EPC1: variants seen among roughly 807,000 people sequenced by gnomAD.
EPC1 encodes the protein enhancer of polycomb homolog 1.
EPC1 carries 12 observed loss-of-function variants against 98.4 expected under a neutral mutation model. The ratio of observed to expected loss-of-function variants is 0.12; its 90% CI spans 0.08 to 0.20. EPC1 has a LOEUF of 0.20. Among genes scored for constraint, EPC1 ranks in the 10% least tolerant of loss-of-function variants. The pLI is 1.00. For missense variants in EPC1, 729 were observed against 990.5 expected (o/e 0.74, Z 3.54); for synonymous variants, 357 against 363.9 (o/e 0.98, Z 0.21).
At chr10:32,349,985 G>C (rs1252299440), upstream of EPC1, among the ~76,000 whole-genome samples, 1 of 152,202 alleles carries the variant, frequency 6.6e-6, no homozygotes, top group Non-Finnish European at 1.5e-5. Flanking sequence ...GTTTTCCCTA[G>C]ATTCTTTTAT....
intron 2 of EPC1, among the ~76,000 whole-genome samples, chr10:32,299,977 G>A (rs964215604): frequency 4.6e-5 from 7 of 151,994 alleles, no homozygotes; most frequent in Admixed American, 3.9e-4. Context: ...GCAGTGGTGC[G>A]ATCTCAGCTC....
intron 1 of EPC1, among the ~76,000 whole-genome samples, chr10:32,342,186 A>AT (rs1402592065): frequency 1.3e-5 from 2 of 152,214 alleles, no homozygotes; most frequent in Admixed American, 1.3e-4. Context: ...TTCTACTATA[A>AT]TTGAGATTTC....
chr10:32,313,724 A>G (rs1836383748), intron 1 of EPC1, among the ~76,000 whole-genome samples: 1 of 152,078 alleles, frequency 6.6e-6, no homozygotes, highest in Non-Finnish European at 1.5e-5. Flanking sequence ...CGCCTCTACT[A>G]AAAATACAAA....
intron 2 of EPC1, among the ~76,000 whole-genome samples, chr10:32,296,775 C>T (rs1047183849): frequency 4.0e-5 from 6 of 151,876 alleles, no homozygotes; most frequent in Non-Finnish European, 8.8e-5. Context: ...GGCGTGGTGG[C>T]GGGTGCCTGT....
chr10:32,335,233 A>G (rs1460956235), intron 1 of EPC1, among the ~76,000 whole-genome samples: 1 of 152,074 alleles, frequency 6.6e-6, no homozygotes, highest in Non-Finnish European at 1.5e-5. Flanking sequence ...AACCATTATC[A>G]ACAGAGTCCA....
chr10:32,367,240 C>T (rs4511198), intron 1 of EPC1, among the ~76,000 whole-genome samples: 10,483 of 152,262 alleles, frequency 0.069, 1,196 homozygotes, highest in African/African-American at 0.23. Context: ...ATCTGCCCAC[C>T]TCGGCCTCCC....
At chr10:32,348,271 G>A (rs1479591224), upstream of EPC1, among the ~76,000 whole-genome samples, 1 of 151,336 alleles carries the variant, frequency 6.6e-6, no homozygotes, top group Non-Finnish European at 1.5e-5. Context: ...CTTCGTTGTT[G>A]TTGTTGTTAA....
At chr10:32,317,971 A>G (rs1836654064) in intron 1 of EPC1, among the ~76,000 whole-genome samples, 1 of 152,212 alleles carries the variant, frequency 6.6e-6, no homozygotes, top group Admixed American at 6.5e-5. Context: ...TGAGTAGCAC[A>G]ATAACAGGTG....
chr10:32,352,211 AT>A (rs1041923889), intron 1 of EPC1, among the ~76,000 whole-genome samples: 7 of 147,696 alleles, frequency 4.7e-5, no homozygotes, highest in Non-Finnish European at 7.5e-5. Context: ...CGCCCGGCTA[AT>A]TTTTTTTTTA....
chr10:32,374,867 A>G (rs1462137265), intron 1 of EPC1, among the ~76,000 whole-genome samples: 1 of 152,162 alleles, frequency 6.6e-6, no homozygotes, highest in East Asian at 1.9e-4. Context: ...GATCTAGAAT[A>G]AACAAACCCC....
At chr10:32,319,531 T>C (rs1473391602) in intron 1 of EPC1, among the ~76,000 whole-genome samples, 1 of 152,176 alleles carries the variant, frequency 6.6e-6, no homozygotes, top group Admixed American at 6.5e-5. Context: ...CGATATCCCT[T>C]ATGTGACATT....
At chr10:32,344,130 CAA>C (rs932066811) in intron 1 of EPC1, among the ~76,000 whole-genome samples, 13 of 152,160 alleles carry the variant, frequency 8.5e-5, no homozygotes, top group African/African-American at 3.1e-4. Flanking sequence ...TTCCGCACAT[CAA>C]AAAGTTTGTT....
chr10:32,323,148 A>C (rs1211816561), intron 1 of EPC1, among the ~76,000 whole-genome samples: 1 of 152,206 alleles, frequency 6.6e-6, no homozygotes, highest in East Asian at 1.9e-4. Context: ...TAAAAAGAGA[A>C]GTATATACAA....
intron 10 of EPC1, among the ~76,000 whole-genome samples, chr10:32,275,601 CCAAAAAAAAAAAA>C (rs1048015499): frequency 9.9e-5 from 4 of 40,378 alleles, no homozygotes; most frequent in Non-Finnish European, 2.1e-4. Flanking sequence ...CCCATCTCTA[CCAAAAAAAAAAAA>C]CAAAAAAAAA....
chr10:32,290,681 A>G (rs916108526), intron 6 of EPC1, among the ~76,000 whole-genome samples: 1 of 151,888 alleles, frequency 6.6e-6, no homozygotes, highest in African/African-American at 2.4e-5. Flanking sequence ...AGAGAAACAA[A>G]AATAAAATTT....
chr10:32,271,177 G>A (rs1166643074), intron 13 of EPC1, among the ~76,000 whole-genome samples: 1 of 152,064 alleles, frequency 6.6e-6, no homozygotes, highest in Non-Finnish European at 1.5e-5. Context: ...TTTTAGTAGA[G>A]GTGGCCTTTC....
At chr10:32,299,202 T>C (rs558480953) in intron 2 of EPC1, among the ~76,000 whole-genome samples, 35 of 152,312 alleles carry the variant, frequency 2.3e-4, no homozygotes, top group Middle Eastern at 3.4e-3. Flanking sequence ...TTTTGTTTTT[T>C]TGAGATGGAA....
Position 32,271,568 on chromosome 10 carries a change from T to G in EPC1, c.2355A>C (p.Val785=). 6.2e-7 allele frequency: 1 copy of G among 1,613,982 alleles called. No individual in the cohort carries two copies. Among genetic ancestry groups the G allele is most frequent in the Non-Finnish European group, 8.5e-7 (1 of 1,179,864 alleles). The change falls in exon 13 of 14, where the codon GTA becomes GTC. Residue 785 remains valine, a synonymous_variant. Transcript: ENST00000319778. ...TAACTACTCACCTTGGAACTGAATCTACAGAGGATGAAGATGGGACCTTGG... is the reference window on the plus strand; with the variant it reads ...TAACTACTCACCTTGGAACTGAATCGACAGAGGATGAAGATGGGACCTTGG... ...QVSKVPSSSS[V]DSVPRENHES...
At chr10:32,327,084 C>T (rs7084777) in intron 1 of EPC1, among the ~76,000 whole-genome samples, 12 of 150,040 alleles carry the variant, frequency 8.0e-5, no homozygotes, top group African/African-American at 2.7e-4. Context: ...CACACACACA[C>T]ACACACTCAC....
Sources: gnomAD v4.1 joint callset for allele counts (sites outside exome capture counted in the v4.1 genomes callset) on GRCh38, gnomAD v4.1.1 for gene constraint, MANE v1.5 for transcripts, NCBI Gene and HGNC (gene_info 2026-07-23, HGNC 2026-07-21) for gene names.